CDH13: variants seen among roughly 807,000 people sequenced by gnomAD.
CDH13 encodes cadherin 13, also known as cadherin-13.
CDH13 carries 24 observed loss-of-function variants against 63.8 expected under a neutral mutation model. That is an observed-to-expected ratio of 0.38 (90% CI 0.27 to 0.53). CDH13 has a LOEUF of 0.53. CDH13 is among the 20% of genes least tolerant of loss of function. The probability of loss-of-function intolerance (pLI) is 0.85; values close to 1 mark genes in which losing one functional copy is unlikely to be tolerated. For missense variants in CDH13, 1,049 were observed against 903.1 expected (o/e 1.16, Z -2.07); for synonymous variants, 503 against 355.3 (o/e 1.42, Z -4.67).
intron 6 of CDH13, among the ~76,000 whole-genome samples, chr16:83,422,922 A>T (rs1479851545): frequency 6.6e-6 from 1 of 152,178 alleles, no homozygotes; most frequent in East Asian, 1.9e-4. Context: ...AGAATTTGGC[A>T]ATTATTTCCT....
chr16:83,128,237 G>C (rs779376289), intron 4 of CDH13, among the ~76,000 whole-genome samples: 1 of 152,184 alleles, frequency 6.6e-6, no homozygotes, highest in Non-Finnish European at 1.5e-5. Flanking sequence ...AGGTGATTCA[G>C]ATATGCAGCC....
chr16:83,000,576 T>C (rs532732391), intron 2 of CDH13, among the ~76,000 whole-genome samples: 11 of 112,908 alleles, frequency 9.7e-5, no homozygotes, highest in South Asian at 5.5e-4. Context: ...TCTTTTCTCT[T>C]TTTTTTTTTT....
At chr16:82,884,670 C>A (rs1468658683) in intron 2 of CDH13, among the ~76,000 whole-genome samples, 1 of 152,230 alleles carries the variant, frequency 6.6e-6, no homozygotes, top group Non-Finnish European at 1.5e-5. Flanking sequence ...CCCAATTCAT[C>A]TGTTATGCAA....
intron 5 of CDH13, among the ~76,000 whole-genome samples, chr16:83,288,376 C>G (rs1331385002): frequency 6.6e-6 from 1 of 152,172 alleles, no homozygotes; most frequent in African/African-American, 2.4e-5. Flanking sequence ...CCAAGGTCTA[C>G]ATGAGGTGGA....
At position 83,163,457 on chromosome 16, in the gene CDH13, A is replaced by G. The variant is rs533746122; in HGVS notation, c.483+37956A>G. 2.2e-4 allele frequency among the ~76,000 whole-genome samples: 33 copies of G among 152,200 alleles called. 1 individual carries two copies. Among genetic ancestry groups the G allele is most frequent in the African/African-American group, 7.5e-4 (31 of 41,564 alleles). On this transcript the variant is annotated intron_variant, in intron 4 of 13. Transcript: ENST00000567109. ...GAACCGCCCGCTAACCTCCTCTTGTAGTGCTCCAGGCCAGACGCTCATCAC... is the reference window on the plus strand; with the variant it reads ...GAACCGCCCGCTAACCTCCTCTTGTGGTGCTCCAGGCCAGACGCTCATCAC...
intron 1 of CDH13, among the ~76,000 whole-genome samples, chr16:82,635,200 G>A (rs941362652): frequency 6.6e-6 from 1 of 152,186 alleles, no homozygotes; most frequent in Admixed American, 6.5e-5. Flanking sequence ...AACAGTGCCT[G>A]GCACATAGTA....
At chr16:83,435,785 A>C (rs1230286374) in intron 6 of CDH13, among the ~76,000 whole-genome samples, 1 of 152,076 alleles carries the variant, frequency 6.6e-6, no homozygotes, top group African/African-American at 2.4e-5. Context: ...CGTGTTCACT[A>C]GAGTTGTCCT....
intron 13 of CDH13, among the ~76,000 whole-genome samples, chr16:83,794,403 A>C (rs1002431220): frequency 2.0e-5 from 3 of 152,184 alleles, no homozygotes; most frequent in Non-Finnish European, 4.4e-5. Flanking sequence ...AAATGCAAAA[A>C]TTAGCCAGGC....
chr16:83,270,257 C>T (rs991737502), intron 5 of CDH13, among the ~76,000 whole-genome samples: 26 of 152,062 alleles, frequency 1.7e-4, no homozygotes, highest in Admixed American at 6.6e-5. Context: ...GCTAAAATGG[C>T]CCTGTCATGC....
At chr16:83,358,428 A>G (rs754525047) in intron 6 of CDH13, among the ~76,000 whole-genome samples, 3 of 152,166 alleles carry the variant, frequency 2.0e-5, no homozygotes, top group Non-Finnish European at 2.9e-5. Context: ...AACACAGAAT[A>G]AGACCTGATT....
chr16:82,688,415 A>G (rs1915301879), intron 1 of CDH13, among the ~76,000 whole-genome samples: 1 of 152,230 alleles, frequency 6.6e-6, no homozygotes, highest in African/African-American at 2.4e-5. Flanking sequence ...AGGCATGTTT[A>G]TGCACTAAAT....
At chr16:83,112,362 G>A (rs921868545) in intron 3 of CDH13, among the ~76,000 whole-genome samples, 5 of 152,138 alleles carry the variant, frequency 3.3e-5, no homozygotes, top group Non-Finnish European at 7.4e-5. Context: ...GGCTTTGAGA[G>A]GGAGACAGAG....
At chr16:83,362,676 T>C (rs2091184472) in intron 6 of CDH13, among the ~76,000 whole-genome samples, 1 of 152,216 alleles carries the variant, frequency 6.6e-6, no homozygotes, top group South Asian at 2.1e-4. Context: ...TTGCCTGACC[T>C]CAAATACCAT....
At chr16:82,657,480 T>G (rs1293859491) in intron 1 of CDH13, among the ~76,000 whole-genome samples, 1 of 152,162 alleles carries the variant, frequency 6.6e-6, no homozygotes, top group Non-Finnish European at 1.5e-5. Flanking sequence ...TGACAGAAGA[T>G]TTCATCATGC....
intron 1 of CDH13, among the ~76,000 whole-genome samples, chr16:82,755,281 C>T (rs781782263): frequency 2.0e-5 from 3 of 152,116 alleles, no homozygotes; most frequent in South Asian, 2.1e-4. Flanking sequence ...AATGATGGCT[C>T]ATGGGGACAG....
chr16:82,664,695 T>C (rs1912380402), intron 1 of CDH13, among the ~76,000 whole-genome samples: 1 of 152,264 alleles, frequency 6.6e-6, no homozygotes, highest in South Asian at 2.1e-4. Flanking sequence ...ATCTTGTTAA[T>C]ACTTGCTTAT....
At chr16:82,807,589 C>T (rs2037211359) in intron 1 of CDH13, among the ~76,000 whole-genome samples, 1 of 152,104 alleles carries the variant, frequency 6.6e-6, no homozygotes, top group African/African-American at 2.4e-5. Flanking sequence ...CTAAGGACCC[C>T]TGGAAGTGCA....
chr16:83,020,389 C>G (rs932481257), intron 2 of CDH13, among the ~76,000 whole-genome samples: 5 of 152,100 alleles, frequency 3.3e-5, no homozygotes, highest in African/African-American at 1.2e-4. Context: ...AAGGGCCTCC[C>G]CACTGCCCTC....
chr16:83,542,581 C>G (rs1158579346), intron 7 of CDH13, among the ~76,000 whole-genome samples: 1 of 152,224 alleles, frequency 6.6e-6, no homozygotes, highest in African/African-American at 2.4e-5. Flanking sequence ...GTTCTGGAAG[C>G]CAGAACTCTG....
Sources: gnomAD v4.1 joint callset for allele counts (sites outside exome capture counted in the v4.1 genomes callset) on GRCh38, gnomAD v4.1.1 for gene constraint, MANE v1.5 for transcripts, NCBI Gene and HGNC (gene_info 2026-07-23, HGNC 2026-07-21) for gene names.